RNF13: variants seen among roughly 807,000 people sequenced by gnomAD.
RNF13 encodes ring finger protein 13.
RNF13 carries 19 observed loss-of-function variants against 37.7 expected under a neutral mutation model. The ratio of observed to expected loss-of-function variants is 0.50; its 90% CI spans 0.35 to 0.74. RNF13 has a LOEUF of 0.74. Ranked by LOEUF, RNF13 falls within the 30% of genes least tolerant of loss-of-function variation. The pLI, the probability that RNF13 is intolerant of heterozygous loss-of-function variation, is 0.01. For missense variants in RNF13, 375 were observed against 453.0 expected, an observed-to-expected ratio of 0.83 and a Z score of 1.56; for synonymous variants, 144 against 157.8, an observed-to-expected ratio of 0.91 and a Z score of 0.65.
chr3:149,937,855 C>T (rs113029021), intron 8 of RNF13, among the ~76,000 whole-genome samples: 28 of 151,986 alleles, frequency 1.8e-4, no homozygotes, highest in African/African-American at 6.3e-4. Flanking sequence ...GTGGTCTCTC[C>T]GTGGATGAAT....
At chr3:149,927,721 T>G (rs1310974301) in intron 8 of RNF13, among the ~76,000 whole-genome samples, 1 of 152,232 alleles carries the variant, frequency 6.6e-6, no homozygotes, top group Non-Finnish European at 1.5e-5. Context: ...CTAATGATGT[T>G]GAGCATCTTT....
chr3:149,957,838 A>G (rs1722011676), intron 8 of RNF13, among the ~76,000 whole-genome samples: 1 of 152,230 alleles, frequency 6.6e-6, no homozygotes, highest in Non-Finnish European at 1.5e-5. Flanking sequence ...ACATAAAGTT[A>G]CATAGCTAAT....
intron 6 of RNF13, among the ~76,000 whole-genome samples, chr3:149,903,002 A>G (rs982403298): frequency 5.3e-5 from 8 of 152,246 alleles, no homozygotes; most frequent in Non-Finnish European, 5.9e-5. Flanking sequence ...TAACTGGCAC[A>G]ATGAAATCCA....
chr3:149,920,937 A>AG (rs1331176263), intron 7 of RNF13, among the ~76,000 whole-genome samples, 197 bp from the exon 8 acceptor site: 1 of 152,126 alleles, frequency 6.6e-6, no homozygotes, highest in Non-Finnish European at 1.5e-5. Context: ...AAAAAATTCA[A>AG]GGGGTAATTC....
intron 8 of RNF13, among the ~76,000 whole-genome samples, chr3:149,926,879 G>T (rs920913117): frequency 3.3e-5 from 5 of 150,976 alleles, no homozygotes; most frequent in Admixed American, 6.6e-5. Context: ...TTCCCACTTT[G>T]TTTTTTTTCA....
intron 8 of RNF13, among the ~76,000 whole-genome samples, chr3:149,950,336 A>G (rs1347689680): frequency 6.6e-6 from 1 of 152,176 alleles, no homozygotes; most frequent in Non-Finnish European, 1.5e-5. Context: ...GCCTTTTAGT[A>G]TGCTTTGTAA....
intron 1 of RNF13, among the ~76,000 whole-genome samples, chr3:149,824,226 A>G (rs375057151): frequency 2.0e-4 from 31 of 152,252 alleles, no homozygotes; most frequent in African/African-American, 7.5e-4. Context: ...AAGAAATGTG[A>G]TAATTACCGT....
intron 8 of RNF13, among the ~76,000 whole-genome samples, chr3:149,925,348 G>A (rs1718532433): frequency 6.6e-6 from 1 of 152,122 alleles, no homozygotes; most frequent in African/African-American, 2.4e-5. Context: ...CCCAGGAGCT[G>A]TTATGTTCCC....
chr3:149,922,063 C>T (rs1232804538), intron 8 of RNF13, among the ~76,000 whole-genome samples: 1 of 151,922 alleles, frequency 6.6e-6, no homozygotes, highest in Non-Finnish European at 1.5e-5. Flanking sequence ...AGCCTCCGCC[C>T]CCCAGGTTCA....
chr3:149,892,396 A>G (rs986449073), intron 4 of RNF13, among the ~76,000 whole-genome samples: 2 of 152,196 alleles, frequency 1.3e-5, no homozygotes, highest in South Asian at 4.1e-4. Context: ...ATAATTTGAG[A>G]GTGAGAAAGC....
At chr3:149,824,961 A>ATT (rs113884325) in intron 1 of RNF13, among the ~76,000 whole-genome samples, 7 of 137,974 alleles carry the variant, frequency 5.1e-5, no homozygotes, top group South Asian at 4.6e-4. Flanking sequence ...ATTTTTCCTG[A>ATT]TTTTTTTTTT....
chr3:149,872,747 A>C (rs766168141), intron 4 of RNF13, among the ~76,000 whole-genome samples: 61 of 152,218 alleles, frequency 4.0e-4, no homozygotes, highest in Non-Finnish European at 6.0e-4. Flanking sequence ...AGTGTCTTGC[A>C]TGTATCTCCC....
intron 1 of RNF13, chr3:149,817,143 G>A (rs1205473840): frequency 6.6e-6 from 1 of 152,168 alleles, no homozygotes; most frequent in South Asian, 2.1e-4. Context: ...GAAAAGGGAA[G>A]AGAACAAATG....
chr3:149,843,321 T>C (rs1275752634), intron 1 of RNF13, among the ~76,000 whole-genome samples: 4 of 152,172 alleles, frequency 2.6e-5, no homozygotes, highest in Admixed American at 2.6e-4. Flanking sequence ...TGATCCCCCA[T>C]GGATACCAAG....
chr3:149,887,645 A>C (rs2108475497), intron 4 of RNF13, among the ~76,000 whole-genome samples: 2 of 152,282 alleles, frequency 1.3e-5, no homozygotes, highest in Middle Eastern at 6.8e-3. Context: ...TGATTATGTG[A>C]ACTGCAGATA....
At chr3:149,856,088 T>G (rs1320442246) in intron 3 of RNF13, among the ~76,000 whole-genome samples, 1 of 151,928 alleles carries the variant, frequency 6.6e-6, no homozygotes, top group Non-Finnish European at 1.5e-5. Flanking sequence ...TTAAAAGATA[T>G]GTTGATGAGT....
chr3:149,912,194 A>G (rs1717067159), intron 7 of RNF13, 111 bp downstream of exon 7: 1 of 534,222 alleles, frequency 1.9e-6, no homozygotes, highest in Non-Finnish European at 3.3e-6. Flanking sequence ...TACATATTAT[A>G]TAAATTCATT....
At chr3:149,880,915 C>T (rs1713316668) in intron 4 of RNF13, among the ~76,000 whole-genome samples, 1 of 152,160 alleles carries the variant, frequency 6.6e-6, no homozygotes, top group South Asian at 2.1e-4. Context: ...CTGCAACCCA[C>T]CCACAGTAAG....
At chr3:149,854,208 G>T (rs1407874625) in intron 3 of RNF13, among the ~76,000 whole-genome samples, 2 of 151,416 alleles carry the variant, frequency 1.3e-5, no homozygotes, top group Non-Finnish European at 2.9e-5. Context: ...GAGGGGCATT[G>T]AATTTTTAAT....
Sources: allele counts gnomAD v4.1 joint callset (sites outside exome capture counted in the v4.1 genomes callset), GRCh38; gene constraint gnomAD v4.1.1; transcripts MANE v1.5; gene names NCBI Gene and HGNC (gene_info 2026-07-23, HGNC 2026-07-21).